The following ATG13 variants were observed in gnomAD, a reference collection of about 807,000 sequenced individuals.
The protein encoded by ATG13 is autophagy related 13, also known as autophagy-related protein 13.
Under a neutral mutation model 65.5 loss-of-function variants are expected in ATG13, and 23 were observed. That is an observed-to-expected ratio of 0.35 (90% CI 0.25 to 0.50). The LOEUF (loss-of-function observed/expected upper bound fraction) is 0.50. ATG13 is among the 20% of genes least tolerant of loss of function. ATG13 has a pLI of 0.98. For synonymous variants in ATG13, 252 were observed against 245.2 expected, an observed-to-expected ratio of 1.03 and a Z score of -0.26; for missense variants, 566 against 677.0, an observed-to-expected ratio of 0.84 and a Z score of 1.82.
chr11:46,652,620 G>A (rs773923047), intron 7 of ATG13, among the ~76,000 whole-genome samples: 4 of 151,598 alleles, frequency 2.6e-5, no homozygotes, highest in Non-Finnish European at 4.4e-5. Context: ...GGAGGCTGAG[G>A]GAGGATTGCT....
chr11:46,618,012 C>T (rs1434805311), intron 1 of ATG13, 122 bp downstream of exon 1: 3 of 397,432 alleles, frequency 7.5e-6, no homozygotes, highest in South Asian at 1.4e-4. Context: ...GGTTCAATCC[C>T]CTGGGCCCCT....
In ATG13 at chr11:46,645,857, T is replaced by A. The variant is rs1206923469; in HGVS notation, c.151-13T>A. On this transcript the variant is annotated splice_polypyrimidine_tract_variant and intron_variant, in intron 4 of 18. Coordinates refer to ENST00000683050, the MANE Select transcript of ATG13 (RefSeq NM_001346311.2). ...TGTGAGTGTTTCATGCAAAAGTCCCTTTTGTTTTCCAGTTCAACTTAGCAA... is the reference window on the plus strand; with the variant it reads ...TGTGAGTGTTTCATGCAAAAGTCCCATTTGTTTTCCAGTTCAACTTAGCAA... 6.2e-7 allele frequency: 1 copy of A among 1,613,736 alleles called. No individual in the cohort carries two copies. Among genetic ancestry groups the A allele is most frequent in the Non-Finnish European group, 8.5e-7 (1 of 1,179,822 alleles).
Position 46,673,549 on chromosome 11 carries a change from G to C in ATG13, c.*1217G>C, listed in dbSNP as rs2064193783. The stretch of plus-strand genomic sequence containing the variant: ...GCCTGGGTACTTGTTCCTGATCCCT[G>C]GGGCTGTCCTGTGGAGCTTTTCCTC... On this transcript the variant is annotated 3_prime_UTR_variant, in exon 19 of 19. Coordinates refer to ENST00000683050, the MANE Select transcript of ATG13 (RefSeq NM_001346311.2). The C allele has an allele frequency of 6.6e-6, 1 of 152,366 alleles. No individual in the cohort carries two copies. Among genetic ancestry groups the C allele is most frequent in the Non-Finnish European group, 1.5e-5 (1 of 68,230 alleles). The allele number at this position is 152,366 out of a possible 1,614,324, so 9.4% of individuals were successfully genotyped here. A position where few individuals can be genotyped will look rare whatever the true frequency, so the allele number is the denominator to read the frequency against.
rs541544921 is a variant in ATG13 at position 46,627,237 on chromosome 11, G to T, written c.-69-2808G>T. On this transcript the variant is annotated intron_variant, in intron 1 of 18. Coordinates refer to ENST00000683050, the MANE Select transcript of ATG13 (RefSeq NM_001346311.2). ...TCTACAAAAATATGAAAATTAGCTGGGCATGATGGCAGGTGCCTGTAATTT... is the reference window on the plus strand; with the variant it reads ...TCTACAAAAATATGAAAATTAGCTGTGCATGATGGCAGGTGCCTGTAATTT... 2.6e-5 allele frequency among the ~76,000 whole-genome samples: 4 copies of T among 152,152 alleles called. No individual in the cohort carries two copies. In the East Asian group the frequency reaches 7.8e-4, roughly 29 times the overall value.
intron 2 of ATG13, among the ~76,000 whole-genome samples, chr11:46,637,137 G>A (rs1373767520): frequency 6.6e-6 from 1 of 152,102 alleles, no homozygotes; most frequent in African/African-American, 2.4e-5. Context: ...GGAACTATAG[G>A]GGTTCACTAT....
chr11:46,665,660 C>T, intron 14 of ATG13, 141 bp downstream of exon 14: 2 of 1,220,148 alleles, frequency 1.6e-6, no homozygotes, highest in Non-Finnish European at 2.2e-6. Flanking sequence ...GCATGGACTC[C>T]TAGCTGGGAG....
At chr11:46,644,134 G>A (rs998949536) in intron 2 of ATG13, 145 bp from the exon 3 acceptor site, 11 of 514,886 alleles carry the variant, frequency 2.1e-5, no homozygotes, top group African/African-American at 1.8e-4. Flanking sequence ...TTTTCACTTT[G>A]GTATCTTTAG....
chr11:46,633,020 ATATATATT>A (rs1247627641), intron 2 of ATG13, among the ~76,000 whole-genome samples: 12 of 101,006 alleles, frequency 1.2e-4, no homozygotes, highest in Admixed American at 1.8e-4. Context: ...ATATATATAT[ATATATATT>A]TTTTTTTTTT....
At chr11:46,654,309 A>ATATATG (rs1565550648) in intron 7 of ATG13, among the ~76,000 whole-genome samples, 1 of 143,822 alleles carries the variant, frequency 7.0e-6, no homozygotes, top group African/African-American at 2.6e-5. Context: ...ATATATATAT[A>ATATATG]TGTAAAAGAG....
intron 2 of ATG13, among the ~76,000 whole-genome samples, chr11:46,636,262 C>A (rs1271880208): frequency 2.0e-5 from 3 of 151,998 alleles, no homozygotes; most frequent in African/African-American, 7.2e-5. Flanking sequence ...GTTTAGATAT[C>A]CCTATCCTGG....
chr11:46,639,707 G>A (rs1254066171), intron 2 of ATG13, among the ~76,000 whole-genome samples: 2 of 151,990 alleles, frequency 1.3e-5, no homozygotes, highest in Non-Finnish European at 2.9e-5. Context: ...GAAGTGTGGA[G>A]ATCATTGGTC....
At chr11:46,656,128 A>C in intron 7 of ATG13, 105 bp from the exon 8 acceptor site, 1 of 950,468 alleles carries the variant, frequency 1.1e-6, no homozygotes, top group Non-Finnish European at 1.6e-6. Context: ...ATTTGAGCAG[A>C]TGAGTAAGGA....
chr11:46,668,684 C>T, intron 16 of ATG13, 108 bp downstream of exon 16: 2 of 1,498,914 alleles, frequency 1.3e-6, no homozygotes, highest in Admixed American at 1.7e-5. Flanking sequence ...GGCCCCTCGG[C>T]TTACGGGTTT....
intron 7 of ATG13, among the ~76,000 whole-genome samples, chr11:46,654,287 A>T (rs1296626814): frequency 7.1e-6 from 1 of 141,286 alleles, no homozygotes; most frequent in African/African-American, 2.7e-5. Context: ...AAAATTTTAT[A>T]TATATATATA....
intron 5 of ATG13, among the ~76,000 whole-genome samples, chr11:46,647,632 C>T (rs1233652880): frequency 2.0e-5 from 3 of 150,850 alleles, no homozygotes; most frequent in Non-Finnish European, 4.4e-5. Context: ...AGTGCAGTGG[C>T]GCAGTCATGG....
chr11:46,672,090 C>T (rs990853147), intron 18 of ATG13, among the ~76,000 whole-genome samples, 165 bp from the exon 19 acceptor site: 43 of 152,356 alleles, frequency 2.8e-4, no homozygotes, highest in African/African-American at 9.6e-4. Flanking sequence ...TGCATATACC[C>T]CTCCCTACCC....
intron 1 of ATG13, among the ~76,000 whole-genome samples, chr11:46,628,952 TTG>T (rs1358489434): frequency 6.6e-6 from 1 of 151,644 alleles, no homozygotes; most frequent in African/African-American, 2.4e-5. Context: ...TTTTTTTTTT[TTG>T]GAGACGGAGT....
At chr11:46,632,443 G>A (rs2135950753) in intron 2 of ATG13, 1 of 152,288 alleles carries the variant, frequency 6.6e-6, no homozygotes, top group East Asian at 1.9e-4. Context: ...GTAAATGAGA[G>A]ACTAGAATGC....
chr11:46,671,182 C>T (rs1035035139), intron 18 of ATG13, among the ~76,000 whole-genome samples: 1 of 152,186 alleles, frequency 6.6e-6, no homozygotes, highest in Non-Finnish European at 1.5e-5. Context: ...CTGTTGGTGT[C>T]TCCAGGCCAC....
Sources: gnomAD v4.1 joint callset for allele counts (sites outside exome capture counted in the v4.1 genomes callset) on GRCh38, gnomAD v4.1.1 for gene constraint, MANE v1.5 for transcripts, NCBI Gene and HGNC (gene_info 2026-07-23, HGNC 2026-07-21) for gene names.